The following ATP6V1C2 variants were observed in gnomAD, a reference collection of about 807,000 sequenced individuals.
The protein encoded by ATP6V1C2 is V-type proton ATPase subunit C 2.
Under a neutral mutation model 56.8 loss-of-function variants are expected in ATP6V1C2, and 45 were observed. The ratio of observed to expected loss-of-function variants is 0.79; its 90% CI spans 0.62 to 1.02. ATP6V1C2 has a LOEUF of 1.02. Ranked by LOEUF, ATP6V1C2 falls within the 50% of genes least tolerant of loss-of-function variation. The pLI, the probability that ATP6V1C2 is intolerant of heterozygous loss-of-function variation, is 0.00. For missense variants in ATP6V1C2, 463 were observed against 519.7 expected (o/e 0.89, Z 1.06); for synonymous variants, 220 against 201.3 (o/e 1.09, Z -0.79).
intron 10 of ATP6V1C2, among the ~76,000 whole-genome samples, 199 bp downstream of exon 10, chr2:10,775,270 G>A (rs1046944005): frequency 6.6e-6 from 1 of 152,218 alleles, no homozygotes; most frequent in Non-Finnish European, 1.5e-5. Context: ...GAGCCCAGGC[G>A]GTGGAGCTGG....
chr2:10,741,075 G>T (rs571261432), intron 3 of ATP6V1C2, among the ~76,000 whole-genome samples: 1 of 152,180 alleles, frequency 6.6e-6, no homozygotes, highest in Admixed American at 6.5e-5. Flanking sequence ...TGAGAATTCC[G>T]TTCTTAGTGA....
chr2:10,751,741 A>G (rs1398842907), intron 3 of ATP6V1C2, among the ~76,000 whole-genome samples: 1 of 152,188 alleles, frequency 6.6e-6, no homozygotes, highest in Non-Finnish European at 1.5e-5. Flanking sequence ...CGAGGATTAA[A>G]TGAGGCAATG....
At position 10,745,041 on chromosome 2, in the gene ATP6V1C2, CTT is replaced by C. The variant is rs5829274; in HGVS notation, c.198-8923_198-8922del. Reference sequence around the variant, plus strand: ...TTATTACCATTTGTTTATTTATTTTCTTTTTTTTTTTTTTTTTTCTGAGACGG... The same window carrying C: ...TTATTACCATTTGTTTATTTATTTTCTTTTTTTTTTTTTTTTCTGAGACGG... On this transcript the variant is annotated intron_variant, in intron 3 of 13. Coordinates refer to ENST00000272238, the MANE Select transcript of ATP6V1C2 (RefSeq NM_001039362.2). 9.9e-4 allele frequency among the ~76,000 whole-genome samples: 112 copies of C among 113,316 alleles called. 1 individual carries two copies. The highest frequency in any genetic ancestry group is 7.2e-3 in the Middle Eastern group (1 of 138). 74.3% of individuals were successfully genotyped at this position (113,316 alleles called of 152,430 possible). A position where few individuals can be genotyped will look rare whatever the true frequency, so the allele number is the denominator to read the frequency against.
intron 2 of ATP6V1C2, among the ~76,000 whole-genome samples, chr2:10,724,201 C>T (rs1476138377): frequency 6.6e-6 from 1 of 152,232 alleles, no homozygotes; most frequent in East Asian, 1.9e-4. Context: ...TGCCCAGCAT[C>T]TGCTCTTGTA....
In ATP6V1C2 at chr2:10,784,025, T is replaced by C. The variant is rs1665567650; in HGVS notation, c.*762T>C. On this transcript the variant is annotated 3_prime_UTR_variant, in exon 14 of 14. Coordinates refer to ENST00000272238, the MANE Select transcript of ATP6V1C2 (RefSeq NM_001039362.2). ...CAGCCAAGTTTTCTTCAAAATATTA[T>C]GTGACAGAATACGACTCAATTCACC... 4 of 353,510 alleles carry C rather than the reference T, an allele frequency of 1.1e-5. No individual in the cohort carries two copies. In the East Asian group the frequency reaches 1.7e-4, roughly 15 times the overall value. 21.9% of individuals were successfully genotyped at this position (353,510 alleles called of 1,614,324 possible). A position where few individuals can be genotyped will look rare whatever the true frequency, so the allele number is the denominator to read the frequency against.
rs182204179 is a variant in ATP6V1C2 at position 10,740,263 on chromosome 2, A to T, written c.197+13694A>T. ...AAGCTTGGTTCGTGTACCTGGCAGG[A>T]TGATGTGTGATTGTTTTAATGTGCA... On this transcript the variant is annotated intron_variant, in intron 3 of 13. Coordinates refer to ENST00000272238, the MANE Select transcript of ATP6V1C2 (RefSeq NM_001039362.2). Among the ~76,000 whole-genome samples, 230 of 152,228 alleles carry T rather than the reference A, an allele frequency of 1.5e-3. 1 individual carries two copies. Among genetic ancestry groups the T allele is most frequent in the African/African-American group, 5.4e-3 (226 of 41,554 alleles).
intron 3 of ATP6V1C2, among the ~76,000 whole-genome samples, chr2:10,750,296 T>G (rs1663136343): frequency 6.6e-6 from 1 of 152,126 alleles, no homozygotes; most frequent in Admixed American, 6.5e-5. Flanking sequence ...GCAGGTGGAT[T>G]GCTTGAGCTC....
At chr2:10,742,681 G>A (rs913732413) in intron 3 of ATP6V1C2, among the ~76,000 whole-genome samples, 147 of 152,248 alleles carry the variant, frequency 9.7e-4, no homozygotes, top group African/African-American at 3.5e-3. Flanking sequence ...CCTCACCGTT[G>A]GGATAGAAGC....
At chr2:10,775,157 C>T (rs749911087) in intron 10 of ATP6V1C2, 86 bp downstream of exon 10, 68 of 1,007,262 alleles carry the variant, frequency 6.8e-5, no homozygotes, top group Non-Finnish European at 1.0e-4. Context: ...GCTCTCCCTC[C>T]TCCCTCTCAT....
chr2:10,750,718 G>A (rs1304367619), intron 3 of ATP6V1C2, among the ~76,000 whole-genome samples: 2 of 152,154 alleles, frequency 1.3e-5, no homozygotes, highest in African/African-American at 4.8e-5. Flanking sequence ...TGTGGTAGGT[G>A]CTGGATTTAT....
chr2:10,753,883 A>C, intron 3 of ATP6V1C2, 98 bp from the exon 4 acceptor site: 1 of 1,126,640 alleles, frequency 8.9e-7, no homozygotes, highest in Non-Finnish European at 1.3e-6. Flanking sequence ...TTATTCCCCC[A>C]AAGGGTGTCA....
rs747375178 is a variant in ATP6V1C2, at chr2:10,777,601, C to T, written c.842C>T (p.Ala281Val). Residue 281 changes from alanine to valine, a missense_variant, in exon 11 of 14, where the codon GCT becomes GTT. Physicochemically the swap from Ala to Val is moderately conservative, Grantham distance 64 (BLOSUM62 0). Coordinates refer to ENST00000272238, the MANE Select transcript of ATP6V1C2 (RefSeq NM_001039362.2). ...KKQQYQTSCV[A>V]LKKGSSTFPD... ...TGCCTTTAGCAAACTTCCTGTGTTG[C>T]TCTTAAAAAGGGATCATCCACCTTC... The T allele has an allele frequency of 1.2e-6, 2 of 1,612,960 alleles. No homozygotes were observed. The highest frequency in any genetic ancestry group is 1.7e-6 in the Non-Finnish European group (2 of 1,179,736).
Position 10,724,022 on chromosome 2 carries a change from A to G in ATP6V1C2, c.129+1044A>G, listed in dbSNP as rs1003445182. On this transcript the variant is annotated intron_variant, in intron 2 of 13. Transcript: ENST00000272238. ...GGTGATCCACCTGCCTCGGCCTCCC[A>G]AAGTGCTGGGATTACAGGAGTGAGC... 4.2e-4 allele frequency among the ~76,000 whole-genome samples: 64 copies of G among 151,810 alleles called. 1 individual carries two copies. The highest frequency in any genetic ancestry group is 2.9e-4 in the Non-Finnish European group (20 of 67,952).
intron 5 of ATP6V1C2, among the ~76,000 whole-genome samples, chr2:10,767,477 A>G (rs1664298973): frequency 6.6e-6 from 1 of 151,412 alleles, no homozygotes; most frequent in African/African-American, 2.4e-5. Flanking sequence ...TATTTTTTTG[A>G]GACAGAGTCT....
chr2:10,768,907 C>T (rs1259990625), intron 6 of ATP6V1C2, 97 bp downstream of exon 6: 1 of 960,224 alleles, frequency 1.0e-6, no homozygotes, highest in Non-Finnish European at 1.6e-6. Flanking sequence ...GAGTCTGTGC[C>T]CATGCATGAG....
intron 5 of ATP6V1C2, among the ~76,000 whole-genome samples, chr2:10,765,293 T>C (rs1395918189): frequency 6.6e-6 from 1 of 152,210 alleles, no homozygotes; most frequent in African/African-American, 2.4e-5. Context: ...GTGACTTCTC[T>C]GTATCATCAC....
chr2:10,725,799 G>A (rs1661607761), intron 2 of ATP6V1C2, among the ~76,000 whole-genome samples: 1 of 151,620 alleles, frequency 6.6e-6, no homozygotes, highest in African/African-American at 2.4e-5. Context: ...AGACGGTGGG[G>A]CCGGGTGCAG....
Position 10,780,622 on chromosome 2 carries a change from GC to G in ATP6V1C2, c.1062-1618del, listed in dbSNP as rs770007995. On this transcript the variant is annotated intron_variant, in intron 12 of 13. Transcript: ENST00000272238. This position sits in a 1 kb window ranked among gnomAD's most constrained non-coding sequence, Gnocchi z 4.1. ...ATATACATGGCCCCAGATCAACCCT[GC>G]CCGGCTCAGAAGTCGGTTGCTCTCA... Among the ~76,000 whole-genome samples the G allele has an allele frequency of 2.0e-5, 3 of 152,226 alleles. No homozygotes were observed. The highest frequency in any genetic ancestry group is 2.9e-5 in the Non-Finnish European group (2 of 68,040).
rs560490066 is a variant in ATP6V1C2, at chr2:10,776,597, AGC to A, written c.826-987_826-986del. 4.6e-5 allele frequency among the ~76,000 whole-genome samples: 7 copies of A among 152,302 alleles called. No homozygotes were observed. The South Asian group carries it at 1.4e-3, about 32-fold the overall frequency. ...TGGGCACGCCCTGGCTGTTCTCTTC[AGC>A]CAGGCTTTTTCCCAGCTCGATTCAG... On this transcript the variant is annotated intron_variant, in intron 10 of 13. Coordinates refer to ENST00000272238, the MANE Select transcript of ATP6V1C2 (RefSeq NM_001039362.2).
Sources: allele counts gnomAD v4.1 joint callset (sites outside exome capture counted in the v4.1 genomes callset), GRCh38; gene constraint gnomAD v4.1.1; non-coding constraint Gnocchi (gnomAD v3.1); transcripts MANE v1.5; gene names NCBI Gene and HGNC (gene_info 2026-07-23, HGNC 2026-07-21).